The following CDH8 variants were observed in gnomAD, a reference collection of about 807,000 sequenced individuals.
CDH8 encodes cadherin-8.
A neutral mutation model predicts 68.1 loss-of-function variants in CDH8; 17 were observed. The observed-to-expected ratio is 0.25, with a 90% CI of 0.17 to 0.37. The LOEUF (loss-of-function observed/expected upper bound fraction) is 0.37. Among genes scored for constraint, CDH8 ranks in the 10% least tolerant of loss-of-function variants. The pLI is 1.00. For synonymous variants in CDH8, 372 were observed against 365.1 expected (o/e 1.02, Z -0.21); for missense variants, 763 against 999.3 (o/e 0.76, Z 3.19).
chr16:62,035,891 G>A (rs979983341), intron 1 of CDH8, among the ~76,000 whole-genome samples, 189 bp downstream of exon 1: 1 of 152,176 alleles, frequency 6.6e-6, no homozygotes, highest in Non-Finnish European at 1.5e-5. Flanking sequence ...GCGTACGTAC[G>A]TTATCACCCA....
chr16:61,755,224 T>G (rs968386769), intron 8 of CDH8, among the ~76,000 whole-genome samples: 1 of 152,132 alleles, frequency 6.6e-6, no homozygotes, highest in Non-Finnish European at 1.5e-5. Flanking sequence ...GCCAACTATT[T>G]GTCAGTAAGG....
At chr16:61,729,481 A>T (rs929117011) in intron 8 of CDH8, among the ~76,000 whole-genome samples, 1 of 151,228 alleles carries the variant, frequency 6.6e-6, no homozygotes, top group African/African-American at 2.4e-5. Context: ...CGTAATCTGC[A>T]ACTCTCCCTA....
At chr16:61,660,303 C>T (rs1363798441) in intron 10 of CDH8, among the ~76,000 whole-genome samples, 5 of 150,858 alleles carry the variant, frequency 3.3e-5, no homozygotes, top group South Asian at 2.1e-4. Flanking sequence ...AGAAAAAGCC[C>T]ATGAGAGGGA....
intron 3 of CDH8, 40 bp downstream of exon 3, chr16:61,901,139 A>G (rs199922028): frequency 1.3e-6 from 2 of 1,547,036 alleles, no homozygotes; most frequent in Non-Finnish European, 1.8e-6. Context: ...TATTCTAAAG[A>G]TGACTTTTAA....
intron 2 of CDH8, among the ~76,000 whole-genome samples, chr16:61,971,810 T>G (rs2150577194): frequency 6.6e-6 from 1 of 152,218 alleles, no homozygotes; most frequent in African/African-American, 2.4e-5. Flanking sequence ...AAGACGTCAC[T>G]TTGGAGATTT....
chr16:61,954,586 C>T (rs1003253547), intron 2 of CDH8, among the ~76,000 whole-genome samples: 9 of 151,474 alleles, frequency 5.9e-5, no homozygotes, highest in South Asian at 2.1e-4. Flanking sequence ...CCTGTAGTCC[C>T]GGCTACTCAG....
At chr16:61,673,040 T>C (rs1963829172) in intron 10 of CDH8, among the ~76,000 whole-genome samples, 1 of 152,126 alleles carries the variant, frequency 6.6e-6, no homozygotes, top group Non-Finnish European at 1.5e-5. Flanking sequence ...AACCAAATTC[T>C]GAAACTCTCC....
At chr16:61,703,964 A>T (rs1964484089) in intron 10 of CDH8, among the ~76,000 whole-genome samples, 1 of 152,236 alleles carries the variant, frequency 6.6e-6, no homozygotes, top group Non-Finnish European at 1.5e-5. Context: ...AAACACCAAC[A>T]AAGGATGTAA....
intron 11 of CDH8, among the ~76,000 whole-genome samples, chr16:61,654,908 T>C (rs1321559672): frequency 6.6e-6 from 1 of 152,238 alleles, no homozygotes. Context: ...ATTGGACTTT[T>C]TTAATTAAAA....
At chr16:61,791,545 G>T (rs924016389) in intron 7 of CDH8, among the ~76,000 whole-genome samples, 2 of 151,906 alleles carry the variant, frequency 1.3e-5, no homozygotes, top group Non-Finnish European at 2.9e-5. Flanking sequence ...GGCATTTCTG[G>T]TTCTAGTAAT....
At chr16:61,815,721 ATTGG>A (rs1962058177) in intron 7 of CDH8, among the ~76,000 whole-genome samples, 2 of 152,102 alleles carry the variant, frequency 1.3e-5, no homozygotes, top group African/African-American at 4.8e-5. Flanking sequence ...CGGTCCTCTG[ATTGG>A]TGTCTCAGTT....
chr16:61,848,578 A>T (rs968312323), intron 4 of CDH8, among the ~76,000 whole-genome samples: 5 of 151,960 alleles, frequency 3.3e-5, no homozygotes, highest in African/African-American at 1.2e-4. Context: ...TGTATCTTCC[A>T]CAGAAGACAA....
At chr16:61,668,166 C>T (rs1227207736) in intron 10 of CDH8, among the ~76,000 whole-genome samples, 6 of 151,922 alleles carry the variant, frequency 3.9e-5, no homozygotes, top group African/African-American at 7.2e-5. Flanking sequence ...TGAGCCTCAA[C>T]GTAACGGAGC....
chr16:61,993,400 ACTT>A (rs934805183), intron 2 of CDH8, among the ~76,000 whole-genome samples: 4 of 150,100 alleles, frequency 2.7e-5, no homozygotes, highest in Non-Finnish European at 4.5e-5. Context: ...GCTCACAGCA[ACTT>A]CTGCCTCCCG....
At chr16:61,654,218 T>G (rs542438910) in intron 11 of CDH8, 117 bp from the exon 12 acceptor site, 1 of 783,608 alleles carries the variant, frequency 1.3e-6, no homozygotes, top group Non-Finnish European at 2.0e-6. Context: ...CATACACCTT[T>G]AATAATATTT....
chr16:61,844,629 A>T (rs991262678), intron 4 of CDH8, among the ~76,000 whole-genome samples: 1 of 152,126 alleles, frequency 6.6e-6, no homozygotes, highest in African/African-American at 2.4e-5. Context: ...TCTATTTTCC[A>T]ATGTTATAGA....
chr16:61,925,718 A>G (rs570315213), intron 2 of CDH8, among the ~76,000 whole-genome samples: 1 of 152,304 alleles, frequency 6.6e-6, no homozygotes, highest in African/African-American at 2.4e-5. Flanking sequence ...AGCACAATAT[A>G]CTACTCCTTT....
intron 10 of CDH8, among the ~76,000 whole-genome samples, chr16:61,680,626 G>A (rs758528751): frequency 6.6e-6 from 1 of 150,836 alleles, no homozygotes; most frequent in Admixed American, 6.6e-5. Flanking sequence ...CCTCCCCTTC[G>A]TTTTACACAC....
intron 2 of CDH8, among the ~76,000 whole-genome samples, chr16:61,964,886 G>A (rs1274533067): frequency 6.6e-6 from 1 of 151,988 alleles, no homozygotes; most frequent in African/African-American, 2.4e-5. Context: ...TCTTTTGATT[G>A]CTTTCCTGTG....
Sources: allele counts gnomAD v4.1 joint callset (sites outside exome capture counted in the v4.1 genomes callset), GRCh38; gene constraint gnomAD v4.1.1; transcripts MANE v1.5; gene names NCBI Gene and HGNC (gene_info 2026-07-23, HGNC 2026-07-21).